The following SAMTOR variants were observed in gnomAD, a reference collection of about 807,000 sequenced individuals.
SAMTOR encodes S-adenosylmethionine sensor upstream of mTORC1.
the SAMTOR span, among the ~76,000 whole-genome samples, chr7:112,869,096 A>G: frequency 7.9e-5 from 12 of 152,186 alleles, no homozygotes; most frequent in African/African-American, 2.9e-4. Flanking sequence ...GTCAAAGGAA[A>G]CAAAAGTGAA....
chr7:112,845,841 C>T, the SAMTOR span, among the ~76,000 whole-genome samples: 1 of 152,124 alleles, frequency 6.6e-6, no homozygotes, highest in African/African-American at 2.4e-5. Context: ...CCTAAATGCC[C>T]ATCAATGGTA....
chr7:112,822,163 A>G, the SAMTOR span: 7 of 1,613,758 alleles, frequency 4.3e-6, no homozygotes, highest in Admixed American at 1.7e-5. Context: ...TTTAACACTA[A>G]CAGTTCATGG....
At chr7:112,819,682 C>T in the SAMTOR span, 2 of 152,460 alleles carry the variant, frequency 1.3e-5, no homozygotes, top group Non-Finnish European at 2.9e-5. Flanking sequence ...ATACATCATG[C>T]ACACTTTGGA....
the SAMTOR span, among the ~76,000 whole-genome samples, chr7:112,894,657 C>T: frequency 7.2e-5 from 11 of 152,146 alleles, no homozygotes; most frequent in Non-Finnish European, 1.0e-4. Context: ...CATCAGATCT[C>T]GTGAGACTTA....
chr7:112,896,943 A>T, the SAMTOR span, among the ~76,000 whole-genome samples: 1 of 152,202 alleles, frequency 6.6e-6, no homozygotes, highest in African/African-American at 2.4e-5. Context: ...GTCTTCAGAG[A>T]TGTACCTCAG....
chr7:112,934,506 T>C, the SAMTOR span, among the ~76,000 whole-genome samples: 1 of 152,254 alleles, frequency 6.6e-6, no homozygotes. Context: ...TTATTTTCAC[T>C]GAAACTGCCT....
chr7:112,827,511 A>G, the SAMTOR span, among the ~76,000 whole-genome samples: 1 of 152,164 alleles, frequency 6.6e-6, no homozygotes, highest in African/African-American at 2.4e-5. Context: ...TAAGAACCTC[A>G]AAGTACTAAT....
chr7:112,825,979 T>G, the SAMTOR span, among the ~76,000 whole-genome samples: 1 of 152,122 alleles, frequency 6.6e-6, no homozygotes, highest in African/African-American at 2.4e-5. Context: ...TACGATAGAT[T>G]GTTTTTGAAT....
chr7:112,872,942 C>CAAAAT, the SAMTOR span, among the ~76,000 whole-genome samples: 3 of 151,442 alleles, frequency 2.0e-5, no homozygotes, highest in East Asian at 6.2e-4. Context: ...TGCGTGTGTG[C>CAAAAT]ACGTGCGTGC....
the SAMTOR span, among the ~76,000 whole-genome samples, chr7:112,922,467 T>C: frequency 6.7e-6 from 1 of 148,276 alleles, no homozygotes; most frequent in Non-Finnish European, 1.5e-5. Flanking sequence ...GTCTGGAAAG[T>C]GAGGAGCGTC....
chr7:112,915,985 T>C, the SAMTOR span, among the ~76,000 whole-genome samples: 5 of 152,320 alleles, frequency 3.3e-5, 1 homozygote, highest in South Asian at 1.0e-3. Context: ...GTAGGTAAGA[T>C]GACAATGTAA....
the SAMTOR span, among the ~76,000 whole-genome samples, chr7:112,846,045 G>A: frequency 6.6e-6 from 1 of 151,606 alleles, no homozygotes; most frequent in Non-Finnish European, 1.5e-5. Context: ...CAGACACTGG[G>A]GCCTACTTTA....
chr7:112,894,784 G>GT, the SAMTOR span, among the ~76,000 whole-genome samples: 2 of 152,154 alleles, frequency 1.3e-5, no homozygotes, highest in African/African-American at 4.8e-5. Context: ...TGAGATTTGG[G>GT]TGGGGACACA....
chr7:112,862,493 G>A, the SAMTOR span, among the ~76,000 whole-genome samples: 1 of 152,152 alleles, frequency 6.6e-6, no homozygotes, highest in Non-Finnish European at 1.5e-5. Context: ...TATATACAAG[G>A]CTACTGGTGC....
the SAMTOR span, among the ~76,000 whole-genome samples, chr7:112,917,203 C>A: frequency 0.59 from 90,056 of 152,028 alleles, 29,779 homozygotes; most frequent in East Asian, 0.9. Context: ...AGGCACCCCC[C>A]AGTAGGGGCA....
At chr7:112,845,061 C>T in the SAMTOR span, among the ~76,000 whole-genome samples, 1 of 152,094 alleles carries the variant, frequency 6.6e-6, no homozygotes, top group African/African-American at 2.4e-5. Flanking sequence ...AAACTAGACC[C>T]CTTCTTGACA....
At chr7:112,911,051 G>C in the SAMTOR span, among the ~76,000 whole-genome samples, 1 of 152,160 alleles carries the variant, frequency 6.6e-6, no homozygotes, top group Non-Finnish European at 1.5e-5. Context: ...AGAGAATCAA[G>C]CCTTCCAGGG....
the SAMTOR span, chr7:112,895,546 C>T: frequency 1.7e-5 from 25 of 1,486,336 alleles, no homozygotes; most frequent in South Asian, 2.7e-4. Context: ...CCAGGATAAT[C>T]AAAGTAGAAA....
chr7:112,919,933 G>A, the SAMTOR span, among the ~76,000 whole-genome samples: 23 of 152,266 alleles, frequency 1.5e-4, no homozygotes, highest in African/African-American at 4.3e-4. Flanking sequence ...CCAATAACAG[G>A]CTCTGAAATT....
Sources: allele counts gnomAD v4.1 joint callset (sites outside exome capture counted in the v4.1 genomes callset), GRCh38; gene constraint gnomAD v4.1.1; transcripts MANE v1.5; gene names NCBI Gene and HGNC (gene_info 2026-07-23, HGNC 2026-07-21).